TAFA1: variants seen among roughly 807,000 people sequenced by gnomAD.
TAFA1 encodes TAFA chemokine like family member 1, also known as chemokine-like protein TAFA-1.
TAFA1 carries 4 observed loss-of-function variants against 18.5 expected under a neutral mutation model. That is an observed-to-expected ratio of 0.22 (90% CI 0.11 to 0.49). The LOEUF (loss-of-function observed/expected upper bound fraction) is 0.49, where lower values mean the gene tolerates loss of function less well. TAFA1 is among the 20% of genes least tolerant of loss of function. The pLI is 0.98. For synonymous variants in TAFA1, 56 were observed against 55.2 expected (o/e 1.01, Z -0.06); for missense variants, 147 against 169.0 (o/e 0.87, Z 0.72).
chr3:68,455,821 G>T (rs990454435), intron 3 of TAFA1, among the ~76,000 whole-genome samples: 5 of 152,118 alleles, frequency 3.3e-5, no homozygotes, highest in Non-Finnish European at 7.4e-5. Context: ...AACACCAATG[G>T]CATCTTCAAT....
chr3:68,309,273 T>C (rs564889442), intron 2 of TAFA1, among the ~76,000 whole-genome samples: 1 of 152,266 alleles, frequency 6.6e-6, no homozygotes, highest in African/African-American at 2.4e-5. Context: ...TAATGAATTA[T>C]AAAATACAAA....
At chr3:68,096,147 T>C (rs1270859277) in intron 2 of TAFA1, among the ~76,000 whole-genome samples, 2 of 152,128 alleles carry the variant, frequency 1.3e-5, no homozygotes, top group African/African-American at 4.8e-5. Flanking sequence ...GATTAAATTT[T>C]TTAGCTCTCA....
At chr3:68,291,626 G>A (rs1053223600) in intron 2 of TAFA1, among the ~76,000 whole-genome samples, 1 of 151,516 alleles carries the variant, frequency 6.6e-6, no homozygotes, top group Non-Finnish European at 1.5e-5. Flanking sequence ...AGGGAGCGAA[G>A]GCCAAAAAAC....
At chr3:68,453,194 G>T (rs2071596274) in intron 3 of TAFA1, among the ~76,000 whole-genome samples, 2 of 152,132 alleles carry the variant, frequency 1.3e-5, no homozygotes, top group Admixed American at 6.6e-5. Flanking sequence ...TAGGTCAGAG[G>T]TAGTGCCCCA....
intron 2 of TAFA1, among the ~76,000 whole-genome samples, chr3:68,401,384 A>G (rs929186333): frequency 1.3e-5 from 2 of 152,184 alleles, no homozygotes; most frequent in African/African-American, 2.4e-5. Context: ...GGCTCTTTGT[A>G]TTGTGAATCG....
chr3:68,127,318 G>A (rs967147065), intron 2 of TAFA1, among the ~76,000 whole-genome samples: 6 of 152,022 alleles, frequency 3.9e-5, no homozygotes, highest in Admixed American at 2.6e-4. Flanking sequence ...GACAAAGGGC[G>A]GAATATTTTA....
chr3:68,095,457 A>G (rs2065077512), intron 2 of TAFA1, among the ~76,000 whole-genome samples: 1 of 152,142 alleles, frequency 6.6e-6, no homozygotes, highest in Non-Finnish European at 1.5e-5. Flanking sequence ...TTTTAATGTA[A>G]TAGGTTTAAT....
intron 2 of TAFA1, among the ~76,000 whole-genome samples, chr3:68,342,474 A>C (rs2069100787): frequency 6.6e-6 from 1 of 152,214 alleles, no homozygotes; most frequent in South Asian, 2.1e-4. Context: ...GTACCATTCA[A>C]ATACGTCTTT....
chr3:68,276,275 G>A (rs60145426), intron 2 of TAFA1, among the ~76,000 whole-genome samples: 55,801 of 151,912 alleles, frequency 0.37, 10,493 homozygotes, highest in East Asian at 0.55. Context: ...AGTGCTATTA[G>A]CATTTGGGGC....
intron 2 of TAFA1, among the ~76,000 whole-genome samples, chr3:68,373,435 T>C (rs1339620731): frequency 1.3e-5 from 2 of 152,200 alleles, no homozygotes; most frequent in Non-Finnish European, 2.9e-5. Context: ...AAACTTACTC[T>C]TTCATTATGC....
At chr3:68,425,817 A>G (rs1364784745) in intron 3 of TAFA1, among the ~76,000 whole-genome samples, 2 of 151,878 alleles carry the variant, frequency 1.3e-5, no homozygotes, top group Non-Finnish European at 2.9e-5. Context: ...GGCAAAAACC[A>G]TTCTCAGACC....
chr3:68,478,407 GGAAATAAGAA>G (rs1553695116), intron 3 of TAFA1, among the ~76,000 whole-genome samples: 1 of 152,016 alleles, frequency 6.6e-6, no homozygotes, highest in Non-Finnish European at 1.5e-5. Flanking sequence ...GACATAAAGT[GGAAATAAGAA>G]GAAAAAAAAC....
intron 3 of TAFA1, among the ~76,000 whole-genome samples, chr3:68,505,535 A>G (rs191137499): frequency 1.3e-3 from 198 of 152,226 alleles, no homozygotes; most frequent in African/African-American, 4.4e-3. Flanking sequence ...CCTCCTCTCA[A>G]TGTCTTACCA....
chr3:68,113,759 C>CA (rs1239948731), intron 2 of TAFA1, among the ~76,000 whole-genome samples: 1 of 151,792 alleles, frequency 6.6e-6, no homozygotes, highest in Non-Finnish European at 1.5e-5. Flanking sequence ...TGGCCCTGGC[C>CA]ATTCATTTCC....
At chr3:68,497,072 A>T (rs2072562196) in intron 3 of TAFA1, among the ~76,000 whole-genome samples, 1 of 152,206 alleles carries the variant, frequency 6.6e-6, no homozygotes, top group Non-Finnish European at 1.5e-5. Flanking sequence ...GATGCCTTGT[A>T]CATTGTAAGT....
At chr3:68,419,273 A>G (rs1373217112) in intron 3 of TAFA1, among the ~76,000 whole-genome samples, 1 of 152,228 alleles carries the variant, frequency 6.6e-6, no homozygotes, top group Non-Finnish European at 1.5e-5. Flanking sequence ...ACCAGCAGTC[A>G]GGGATCATTG....
chr3:68,381,532 A>G (rs540254103), intron 2 of TAFA1, among the ~76,000 whole-genome samples: 4 of 152,166 alleles, frequency 2.6e-5, no homozygotes, highest in Non-Finnish European at 4.4e-5. Flanking sequence ...CTTTGAAGCA[A>G]ATGTGAATGG....
chr3:68,254,500 T>C (rs1221865098), intron 2 of TAFA1, among the ~76,000 whole-genome samples: 1 of 152,064 alleles, frequency 6.6e-6, no homozygotes, highest in Non-Finnish European at 1.5e-5. Context: ...ATCTCTGAAA[T>C]GAAACACTTC....
chr3:68,020,852 G>T (rs774710584), intron 2 of TAFA1, among the ~76,000 whole-genome samples: 2 of 152,030 alleles, frequency 1.3e-5, no homozygotes, highest in Non-Finnish European at 2.9e-5. Flanking sequence ...AAAGTACATT[G>T]TGTACGTAAT....
Sources: allele counts gnomAD v4.1 joint callset (sites outside exome capture counted in the v4.1 genomes callset), GRCh38; gene constraint gnomAD v4.1.1; transcripts MANE v1.5; gene names NCBI Gene and HGNC (gene_info 2026-07-23, HGNC 2026-07-21).